Variants in ARHGAP10 observed in about 807,000 individuals in gnomAD.
ARHGAP10 encodes Rho GTPase activating protein 10.
ARHGAP10 carries 87 observed loss-of-function variants against 108.6 expected under a neutral mutation model. The ratio of observed to expected loss-of-function variants is 0.80; its 90% confidence interval spans 0.67 to 0.96. The LOEUF is 0.96. Among genes scored for constraint, ARHGAP10 ranks in the 40% least tolerant of loss-of-function variants. The pLI is 0.00. For missense variants in ARHGAP10, 939 were observed against 954.5 expected, an observed-to-expected ratio of 0.98 and a Z score of 0.21; for synonymous variants, 347 against 341.1, an observed-to-expected ratio of 1.02 and a Z score of -0.19.
rs1578799930 is a variant in ARHGAP10, at chr4:148,023,005, T to A, written c.1717-258T>A. ...TCTGCTAAAGATAGTTTTATTTGTT[T>A]AGTTTTGGAATGAATTATTTGATAT... On this transcript the variant is annotated intron_variant, in intron 18 of 22. Transcript: ENST00000336498. 8.9e-6 allele frequency: 3 copies of A among 335,354 alleles called. No individual in the cohort carries two copies. The East Asian group carries it at 1.5e-4, about 17-fold the overall frequency. 20.8% of individuals were successfully genotyped at this position (335,354 alleles called of 1,614,324 possible).
chr4:147,823,005 A>C (rs758014989), intron 3 of ARHGAP10, 48 bp downstream of exon 3: 1 of 1,547,932 alleles, frequency 6.5e-7, no homozygotes, highest in South Asian at 1.1e-5. Context: ...CAAGGGGGAA[A>C]AAAATCTGGA....
intron 13 of ARHGAP10, among the ~76,000 whole-genome samples, chr4:147,934,360 A>C (rs764702688): frequency 6.6e-6 from 1 of 152,192 alleles, no homozygotes. Context: ...AGGTTTCACA[A>C]ACTTTTACCT....
intron 9 of ARHGAP10, among the ~76,000 whole-genome samples, chr4:147,880,007 A>C (rs1300329939): frequency 6.6e-6 from 1 of 152,236 alleles, no homozygotes; most frequent in Admixed American, 6.5e-5. Flanking sequence ...GTTCTCACAT[A>C]GGTATTCACC....
chr4:147,743,558 A>G (rs1271848711), intron 1 of ARHGAP10, among the ~76,000 whole-genome samples: 1 of 151,924 alleles, frequency 6.6e-6, no homozygotes, highest in Non-Finnish European at 1.5e-5. Context: ...CGGGCGGATC[A>G]CCTGAGGTCG....
chr4:147,824,039 G>T (rs1732607734), intron 3 of ARHGAP10, among the ~76,000 whole-genome samples: 1 of 152,092 alleles, frequency 6.6e-6, no homozygotes, highest in African/African-American at 2.4e-5. Context: ...ACAGATTCAG[G>T]CTGGGCGAGG....
intron 6 of ARHGAP10, chr4:147,866,031 G>C (rs1381238416): frequency 6.6e-6 from 1 of 152,210 alleles, no homozygotes; most frequent in Non-Finnish European, 1.5e-5. Context: ...GGCTGACGTT[G>C]GGAATGGAGC....
intron 8 of ARHGAP10, 135 bp downstream of exon 8, chr4:147,875,285 T>TAATTA (rs1257381723): frequency 7.2e-6 from 7 of 976,128 alleles, no homozygotes; most frequent in Non-Finnish European, 9.9e-6. Context: ...TATCACCTAA[T>TAATTA]GGGTGTATAT....
At chr4:147,849,912 GC>G (rs1579114202) in intron 4 of ARHGAP10, among the ~76,000 whole-genome samples, 1 of 152,216 alleles carries the variant, frequency 6.6e-6, no homozygotes, top group East Asian at 1.9e-4. Context: ...TGTTCAAAAA[GC>G]CCTTTTGCTA....
At chr4:147,744,083 A>G (rs1728806651) in intron 1 of ARHGAP10, among the ~76,000 whole-genome samples, 4 of 152,238 alleles carry the variant, frequency 2.6e-5, no homozygotes, top group Admixed American at 2.0e-4. Flanking sequence ...TGCAGGAGAC[A>G]GCAAATTTAT....
At chr4:148,007,568 G>A (rs17676286) in intron 18 of ARHGAP10, among the ~76,000 whole-genome samples, 6,757 of 152,206 alleles carry the variant, frequency 0.044, 216 homozygotes, top group East Asian at 0.069. Context: ...CCCTTCATGC[G>A]GTGTGTGAAC....
chr4:147,783,230 AT>A (rs1202432917), intron 1 of ARHGAP10, among the ~76,000 whole-genome samples: 1 of 144,392 alleles, frequency 6.9e-6, no homozygotes, highest in Non-Finnish European at 1.5e-5. Context: ...GTATTGTATA[AT>A]TTATATAACA....
At chr4:147,899,414 A>G (rs1274790605) in intron 10 of ARHGAP10, among the ~76,000 whole-genome samples, 3 of 151,736 alleles carry the variant, frequency 2.0e-5, no homozygotes, top group Non-Finnish European at 4.4e-5. Flanking sequence ...ATTTTCATTC[A>G]TTAGGTCTTT....
chr4:147,986,356 C>G (rs1355836901), intron 18 of ARHGAP10, among the ~76,000 whole-genome samples: 2 of 152,208 alleles, frequency 1.3e-5, no homozygotes, highest in African/African-American at 4.8e-5. Context: ...TGAGCCCACT[C>G]TGTTTCCAAA....
intron 13 of ARHGAP10, among the ~76,000 whole-genome samples, chr4:147,918,400 G>T (rs1489343631): frequency 6.6e-6 from 1 of 152,110 alleles, no homozygotes; most frequent in African/African-American, 2.4e-5. Context: ...CTCCCAAAGT[G>T]CTGTGATTAC....
At chr4:148,070,679 A>G (rs1416803715) in intron 22 of ARHGAP10, among the ~76,000 whole-genome samples, 1 of 152,220 alleles carries the variant, frequency 6.6e-6, no homozygotes, top group East Asian at 1.9e-4. Flanking sequence ...TTGCTTCATG[A>G]AACTTGTGTG....
chr4:148,008,017 G>T (rs1214825914), intron 18 of ARHGAP10, among the ~76,000 whole-genome samples: 6 of 152,144 alleles, frequency 3.9e-5, no homozygotes, highest in Non-Finnish European at 7.4e-5. Flanking sequence ...TTCTGGATGT[G>T]CCCTGTGTTT....
chr4:148,008,827 A>C (rs898107080), intron 18 of ARHGAP10, among the ~76,000 whole-genome samples: 21 of 152,162 alleles, frequency 1.4e-4, no homozygotes, highest in African/African-American at 3.4e-4. Context: ...TGTTTTCCAG[A>C]GGCGATGATA....
intron 18 of ARHGAP10, among the ~76,000 whole-genome samples, chr4:148,006,996 A>G (rs187940307): frequency 3.9e-5 from 6 of 152,282 alleles, no homozygotes; most frequent in Admixed American, 2.0e-4. Context: ...CTTGATTTAC[A>G]TATTTTTGCA....
rs140371963 is a variant in ARHGAP10 at position 147,908,024 on chromosome 4, A to T, written c.1116+1305A>T. On this transcript the variant is annotated intron_variant, in intron 11 of 22. Transcript: ENST00000336498. The stretch of plus-strand genomic sequence containing the variant: ...TGCCCAGCTAATTTTTGTAATTTTT[A>T]GTAGAGACAGGGTTTCACCATGTTG... Among the ~76,000 whole-genome samples the T allele has an allele frequency of 6.5e-3, 993 of 152,222 alleles. 7 individuals carry two copies. The highest frequency in any genetic ancestry group is 0.023 in the African/African-American group (956 of 41,524).
Sources: gnomAD v4.1 joint callset for allele counts (sites outside exome capture counted in the v4.1 genomes callset) on GRCh38, gnomAD v4.1.1 for gene constraint, MANE v1.5 for transcripts, NCBI Gene and HGNC (gene_info 2026-07-23, HGNC 2026-07-21) for gene names.